ADA: variants seen among roughly 807,000 people sequenced by gnomAD.
ADA encodes adenosine deaminase.
A neutral mutation model predicts 49.0 loss-of-function variants in ADA; 45 were observed. The observed-to-expected ratio is 0.92, with a 90% confidence interval of 0.72 to 1.18. ADA has a LOEUF of 1.18. Ranked by LOEUF, ADA falls within the 50% of genes most tolerant of loss-of-function variation. ADA has a pLI of 0.00. For missense variants in ADA, 445 were observed against 472.5 expected (o/e 0.94, Z 0.54); for synonymous variants, 173 against 184.2 (o/e 0.94, Z 0.49).
At position 44,623,009 on chromosome 20, in the gene ADA, CT is replaced by C. The variant is rs768720976; in HGVS notation, c.675del (p.Glu226ArgfsTer85). The part of the protein sequence containing the change: ...AGEVGSAEVV[K>X]EAVDILKTER... ...CCATGGCCAGCCCAGGCCCTCACCT[CT>C]TTTACTACTTCGGCCGAGCCCACCT... On this transcript the variant is annotated frameshift_variant, in exon 7 of 12. Coordinates refer to ENST00000372874, the MANE Select transcript of ADA (RefSeq NM_000022.4). LOFTEE classifies it high-confidence loss of function. 6.2e-7 allele frequency: 1 copy of C among 1,614,202 alleles called. No individual in the cohort carries two copies.
intron 2 of ADA, among the ~76,000 whole-genome samples, chr20:44,634,225 G>T (rs1220853049): frequency 6.6e-6 from 1 of 152,252 alleles, no homozygotes; most frequent in East Asian, 1.9e-4. Flanking sequence ...CTCATTAGGG[G>T]CCTTGTGGCA....
intron 1 of ADA, among the ~76,000 whole-genome samples, chr20:44,636,661 C>T (rs971660209): frequency 5.9e-5 from 9 of 152,262 alleles, no homozygotes; most frequent in Non-Finnish European, 1.3e-4. Flanking sequence ...TAACCCAAGC[C>T]CAATTCCAAA....
chr20:44,620,034 G>T (rs1227463700), intron 11 of ADA, among the ~76,000 whole-genome samples, 187 bp from the exon 12 acceptor site: 6 of 152,222 alleles, frequency 3.9e-5, no homozygotes. Context: ...CTTGGCTTTG[G>T]GCAGCCATGG....
At position 44,643,093 on chromosome 20, in the gene ADA, AGTCT is replaced by A. The variant is rs1255157881; in HGVS notation, c.34-6809_34-6806del. ...TAGAAAACTGCAACACACCATGGGA[AGTCT>A]GTCAGCCTATTCCAGATGACAATGA... On this transcript the variant is annotated intron_variant, in intron 1 of 11. Transcript: ENST00000372874. Among the ~76,000 whole-genome samples, 5 of 152,338 alleles carry A rather than the reference AGTCT, an allele frequency of 3.3e-5. No individual in the cohort carries two copies. In the South Asian group the frequency reaches 8.3e-4, roughly 25 times the overall value.
At position 44,622,667 on chromosome 20, in the gene ADA, G is replaced by A; in HGVS notation, c.781-15C>T. 1.2e-6 allele frequency: 2 copies of A among 1,614,226 alleles called. No homozygotes were observed. The highest frequency in any genetic ancestry group is 1.7e-5 in the Admixed American group (1 of 60,028). The stretch of plus-strand genomic sequence containing the variant: ...CAGGGGCAGATCTGGAAGAGCAGGT[G>A]TGTGGCTGGCAGGGATGGCCCCAGG... On this transcript the variant is annotated splice_polypyrimidine_tract_variant and intron_variant, in intron 8 of 11. Transcript: ENST00000372874.
intron 5 of ADA, among the ~76,000 whole-genome samples, chr20:44,624,763 G>A (rs1304626316): frequency 3.9e-5 from 6 of 152,218 alleles, no homozygotes; most frequent in South Asian, 4.1e-4. Context: ...GAAGTATCTC[G>A]CTAATGTATT....
chr20:44,627,001 G>A (rs1195683934), intron 3 of ADA, among the ~76,000 whole-genome samples: 1 of 151,932 alleles, frequency 6.6e-6, no homozygotes, highest in Middle Eastern at 3.4e-3. Context: ...CACAAGGCCT[G>A]CATCCTCCAG....
intron 1 of ADA, among the ~76,000 whole-genome samples, chr20:44,637,824 C>T (rs1419004923): frequency 6.6e-6 from 1 of 152,212 alleles, no homozygotes; most frequent in Non-Finnish European, 1.5e-5. Context: ...CACACCCAGT[C>T]TCAGGGCCAA....
At position 44,635,985 on chromosome 20, in the gene ADA, C is replaced by G. The variant is rs1028055863; in HGVS notation, c.95+242G>C. The G allele has an allele frequency of 4.5e-5, 25 of 559,034 alleles. No individual in the cohort carries two copies. The East Asian group carries it at 7.2e-4, about 16-fold the overall frequency. 34.6% of individuals were successfully genotyped at this position (559,034 alleles called of 1,614,324 possible). On this transcript the variant is annotated intron_variant, in intron 2 of 11. Coordinates refer to ENST00000372874, the MANE Select transcript of ADA (RefSeq NM_000022.4). The stretch of plus-strand genomic sequence containing the variant: ...GTGGGGAGAGCAGGCTCAGGCCTGG[C>G]TCACCTGACACCAGGAGGACAAGAC...
At chr20:44,625,506 A>C in intron 5 of ADA, 63 bp downstream of exon 5, 2 of 1,431,994 alleles carry the variant, frequency 1.4e-6, no homozygotes, top group Non-Finnish European at 1.9e-6. Flanking sequence ...CCCCACTGCT[A>C]GGCCAGGAGG....
chr20:44,622,887 TG>T lies in ADA; in HGVS notation c.721del (p.His241ThrfsTer70). 6.2e-7 allele frequency: 1 copy of T among 1,614,202 alleles called. No homozygotes were observed. Among genetic ancestry groups the T allele is most frequent in the Non-Finnish European group, 8.5e-7 (1 of 1,180,030 alleles). ...ATAAAGGGCCTGGTCTTCCAGGGTGTGGTAGCCGTGTCCCAGCCGCTCTGTC... is the reference window on the plus strand; with the variant it reads ...ATAAAGGGCCTGGTCTTCCAGGGTGTGTAGCCGTGTCCCAGCCGCTCTGTC... ...LKTERLGHGY[H>X]TLEDQALYNR... On this transcript the variant is annotated frameshift_variant, in exon 8 of 12. Coordinates refer to ENST00000372874, the MANE Select transcript of ADA (RefSeq NM_000022.4). LOFTEE classifies it high-confidence loss of function.
Position 44,625,613 on chromosome 20 carries a change from C to T in ADA, c.434G>A (p.Gly145Glu), listed in dbSNP as rs551821715. The T allele has an allele frequency of 9.4e-6, 15 of 1,587,986 alleles. No homozygotes were observed. The highest frequency in any genetic ancestry group is 1.9e-4 in the Middle Eastern group (1 of 5,320). The change falls in exon 5 of 12, where the codon GGG becomes GAG. Residue 145 changes from glycine to glutamate, a missense_variant. Coordinates refer to ENST00000372874, the MANE Select transcript of ADA (RefSeq NM_000022.4). Reference protein sequence around the residue: ...QGLQEGERDFGVKARSILCCM... With the variant: ...QGLQEGERDFEVKARSILCCM... ...GCACAGGATGGACCGGGCCTTGACCCCGAAGTCTCGCTCCCCCTCCTGCAG... is the reference window on the plus strand; with the variant it reads ...GCACAGGATGGACCGGGCCTTGACCTCGAAGTCTCGCTCCCCCTCCTGCAG...
At chr20:44,626,683 G>T (rs2034203679) in intron 3 of ADA, 84 bp from the exon 4 acceptor site, 1 of 1,569,972 alleles carries the variant, frequency 6.4e-7, no homozygotes, top group Non-Finnish European at 8.7e-7. Context: ...CCAACCCTTG[G>T]CAGATTAAAC....
chr20:44,634,138 G>A (rs2065458418), intron 2 of ADA, among the ~76,000 whole-genome samples: 1 of 152,196 alleles, frequency 6.6e-6, no homozygotes, highest in African/African-American at 2.4e-5. Flanking sequence ...CCAGCCCCTG[G>A]CTGCAGCTGA....
intron 2 of ADA, among the ~76,000 whole-genome samples, chr20:44,633,304 T>C (rs1238849814): frequency 1.3e-5 from 2 of 152,252 alleles, no homozygotes; most frequent in Non-Finnish European, 2.9e-5. Flanking sequence ...GAGCAGACTC[T>C]GAAGCCCAGT....
At chr20:44,651,548 G>A in intron 1 of ADA, 27 bp downstream of exon 1, 8 of 1,529,808 alleles carry the variant, frequency 5.2e-6, no homozygotes, top group East Asian at 2.5e-5. Flanking sequence ...CCGGACCCCC[G>A]TCCCCGGAGC....
intron 1 of ADA, among the ~76,000 whole-genome samples, chr20:44,640,693 T>C (rs1024577683): frequency 6.6e-6 from 1 of 151,244 alleles, no homozygotes; most frequent in African/African-American, 2.4e-5. Flanking sequence ...TTACCTTATA[T>C]GGCAAAGTGT....
At position 44,651,620 on chromosome 20, in the gene ADA, C is replaced by A. The variant is rs752945689; in HGVS notation, c.-13G>T. 3.6e-5 allele frequency: 55 copies of A among 1,527,362 alleles called. No homozygotes were observed. In the East Asian group the frequency reaches 4.0e-4, roughly 11 times the overall value. The allele number at this position is 1,527,362 out of a possible 1,614,324, so 94.6% of individuals were successfully genotyped here. On this transcript the variant is annotated 5_prime_UTR_variant, in exon 1 of 12. Transcript: ENST00000372874. ...GCGTCTGGGCCATGGTGCCCTCGTG[C>A]GCCCCGGCGCTGCTCCCTCCGCCGC...
intron 9 of ADA, 46 bp from the exon 10 acceptor site, chr20:44,621,193 CATAA>C (rs778226681): frequency 1.0e-4 from 166 of 1,613,186 alleles, no homozygotes; most frequent in Non-Finnish European, 1.3e-4. Flanking sequence ...TTTACTCTTA[CATAA>C]ATAGTCAGAA....
Sources: allele counts gnomAD v4.1 joint callset (sites outside exome capture counted in the v4.1 genomes callset), GRCh38; gene constraint gnomAD v4.1.1; transcripts MANE v1.5; gene names NCBI Gene and HGNC (gene_info 2026-07-23, HGNC 2026-07-21).